The following CEP164 variants were observed in gnomAD, a reference collection of about 807,000 sequenced individuals.
The protein encoded by CEP164 is centrosomal protein of 164 kDa.
CEP164 carries 162 observed loss-of-function variants against 182.7 expected under a neutral mutation model. The observed-to-expected ratio is 0.89, with a 90% CI of 0.78 to 1.01. The LOEUF is 1.01. CEP164 is among the 50% of genes least tolerant of loss of function. The pLI, the probability that CEP164 is intolerant of heterozygous loss-of-function variation, is 0.00. For missense variants in CEP164, 1,735 were observed against 1,790.4 expected, an observed-to-expected ratio of 0.97 and a Z score of 0.56; for synonymous variants, 661 against 690.0, an observed-to-expected ratio of 0.96 and a Z score of 0.66.
chr11:117,380,314 CT>C (rs895137676), intron 11 of CEP164, among the ~76,000 whole-genome samples: 2 of 152,024 alleles, frequency 1.3e-5, no homozygotes, highest in African/African-American at 4.8e-5. Context: ...GCAGGATTTT[CT>C]TTTTCTTGTG....
intron 22 of CEP164, 47 bp downstream of exon 22, chr11:117,395,050 A>C: frequency 6.2e-7 from 1 of 1,612,398 alleles, no homozygotes; most frequent in Non-Finnish European, 8.5e-7. Context: ...TAGCTTCTCT[A>C]GCAGAGGGCA....
chr11:117,395,103 T>G lies in CEP164; in HGVS notation c.2845-20T>G, dbSNP rs754399050. ...CTGGGGTCTGCAGTCAGCCAGAAAA[T>G]CCTGTCTCTTCCCTGCAAGGAGGAG... On this transcript the variant is annotated intron_variant, in intron 22 of 32. Coordinates refer to ENST00000278935, the MANE Select transcript of CEP164 (RefSeq NM_014956.5). The G allele has an allele frequency of 6.2e-7, 1 of 1,613,986 alleles. No homozygotes were observed. The highest frequency in any genetic ancestry group is 8.5e-7 in the Non-Finnish European group (1 of 1,179,972).
chr11:117,394,853 C>T lies in CEP164; in HGVS notation c.2761-67C>T, dbSNP rs2045224465. The T allele has an allele frequency of 2.7e-6, 4 of 1,492,328 alleles. No homozygotes were observed. The highest frequency in any genetic ancestry group is 1.7e-5 in the Admixed American group (1 of 59,180). The allele number at this position is 1,492,328 out of a possible 1,614,324, so 92.4% of individuals were successfully genotyped here. A position where few individuals can be genotyped will look rare whatever the true frequency, so the allele number is the denominator to read the frequency against. ...TGGTGTGGCATGGTGGGTTCTGGAA[C>T]CCCCTCCTGCCCCTCAGCTAATGCC... On this transcript the variant is annotated intron_variant, in intron 21 of 32. Coordinates refer to ENST00000278935, the MANE Select transcript of CEP164 (RefSeq NM_014956.5). The surrounding 1 kb of genome is among the most constrained non-coding windows in gnomAD (Gnocchi z 4.0).
In CEP164 at chr11:117,394,467, G is replaced by A. The variant is rs756787924; in HGVS notation, c.2734G>A (p.Asp912Asn). ...GCAGGAGCAACACAAGCGTCTTGAG[G>A]ACTTGCGGCGCCGGCACAGGGAGCA... ...VRQEQHKRLE[D>N]LRRRHREQER... is the part of the protein sequence containing the mutation. The change falls in exon 21 of 33, where the codon GAC (aspartate) becomes AAC (asparagine). Residue 912 changes from aspartate (D) to asparagine (N), a missense_variant. Transcript: ENST00000278935. The surrounding 1 kb of genome is among the most constrained non-coding windows in gnomAD (Gnocchi z 4.0). The A allele has an allele frequency of 6.2e-7, 1 of 1,613,974 alleles. No individual in the cohort carries two copies. The highest frequency in any genetic ancestry group is 8.5e-7 in the Non-Finnish European group (1 of 1,180,030).
chr11:117,382,829 G>A lies in CEP164; in HGVS notation c.1611G>A (p.Glu537=). 1.2e-6 allele frequency: 2 copies of A among 1,614,172 alleles called. No homozygotes were observed. The highest frequency in any genetic ancestry group is 1.7e-6 in the Non-Finnish European group (2 of 1,180,024). The change falls in exon 14 of 33, where the codon GAG becomes GAA. Residue 537 remains glutamate, a synonymous_variant. Coordinates refer to ENST00000278935, the MANE Select transcript of CEP164 (RefSeq NM_014956.5). The part of the protein sequence containing the change: ...EQAPSPPAAC[E]KGKEQHSQAE... ...CCCCAAGCCCACCTGCTGCCTGTGA[G>A]AAGGGCAAGGAGCAGCATTCCCAGG...
At chr11:117,387,131 C>T in intron 14 of CEP164, 72 bp from the exon 15 acceptor site, 1 of 1,328,548 alleles carries the variant, frequency 7.5e-7, no homozygotes, top group East Asian at 2.3e-5. Flanking sequence ...TGTTCCGTAT[C>T]CATTCTAACC....
At chr11:117,373,910 G>A in intron 10 of CEP164, 79 bp downstream of exon 10, 1 of 1,209,648 alleles carries the variant, frequency 8.3e-7, no homozygotes, top group African/African-American at 1.5e-5. Context: ...AATTTGCCTA[G>A]CATCACGCAG....
intron 1 of CEP164, among the ~76,000 whole-genome samples, chr11:117,332,437 G>A (rs1400296893): frequency 6.6e-6 from 1 of 152,034 alleles, no homozygotes; most frequent in Admixed American, 6.6e-5. Flanking sequence ...TTAGCCAGGC[G>A]TGGTGGCACA....
Position 117,391,194 on chromosome 11 carries a change from G to C in CEP164, c.2262G>C (p.Gln754His), listed in dbSNP as rs1226500313. ...KEKALQQLRE[Q>H]LEGERKEAVA... The stretch of plus-strand genomic sequence containing the variant: ...AGGCTCTGCAGCAGCTGAGGGAGCA[G>C]CTGGAAGGGGAGAGGAAAGAAGTGA... The change falls in exon 17 of 33, where the codon CAG becomes CAC. Residue 754 changes from glutamine (Q) to histidine (H), a missense_variant. Gln to His is a conservative substitution (Grantham distance 24). Transcript: ENST00000278935. 4.3e-6 allele frequency: 7 copies of C among 1,611,438 alleles called. No individual in the cohort carries two copies. In the Admixed American group the frequency reaches 1.0e-4, roughly 23 times the overall value.
At chr11:117,365,583 C>T (rs1411316508) in intron 8 of CEP164, among the ~76,000 whole-genome samples, 2 of 151,852 alleles carry the variant, frequency 1.3e-5, no homozygotes, top group African/African-American at 4.8e-5. Flanking sequence ...TTCTTTCTTT[C>T]TTTCTTTTTT....
At chr11:117,361,579 G>A (rs1000713683) in intron 5 of CEP164, among the ~76,000 whole-genome samples, 2 of 151,948 alleles carry the variant, frequency 1.3e-5, no homozygotes, top group African/African-American at 2.4e-5. Context: ...ACCCCACGCA[G>A]CATCTGCCAG....
Position 117,409,878 on chromosome 11 carries a change from G to T in CEP164, c.4009G>T (p.Asp1337Tyr). The change falls in exon 30 of 33, where the codon GAT (aspartate) becomes TAT (tyrosine). Residue 1337 changes from aspartate to tyrosine, a missense_variant. Physicochemically the swap from Asp to Tyr is radical, Grantham distance 160 (BLOSUM62 -3). Transcript: ENST00000278935. The surrounding 1 kb of genome is among the most constrained non-coding windows in gnomAD (Gnocchi z 4.4). The stretch of plus-strand genomic sequence containing the variant: ...ACCCACGTCCACCCAATGGGCCTGG[G>T]ATTCAGGGCAGGGGCCCAGGCTCCC... The part of the protein sequence containing the change: ...ATPTSTQWAW[D>Y]SGQGPRLPSS... The T allele has an allele frequency of 6.2e-7, 1 of 1,613,936 alleles. No individual in the cohort carries two copies. Among genetic ancestry groups the T allele is most frequent in the Non-Finnish European group, 8.5e-7 (1 of 1,179,944 alleles).
In CEP164 at chr11:117,412,160, C is replaced by G; in HGVS notation, c.4375C>G (p.Arg1459Gly). The change falls in exon 33 of 33, where the codon CGC becomes GGC. Residue 1459 changes from arginine to glycine, a missense_variant. Physicochemically the swap from Arg to Gly is moderately radical, Grantham distance 125. Coordinates refer to ENST00000278935, the MANE Select transcript of CEP164 (RefSeq NM_014956.5). Reference protein sequence around the residue: ...LDEHNRVKVYRF With the variant: ...LDEHNRVKVYGF ...TGAGCACAACAGAGTGAAGGTGTAT[C>G]GCTTCTGAGGCCCTGAGCAGGGGCT... 6.2e-7 allele frequency: 1 copy of G among 1,614,004 alleles called. No individual in the cohort carries two copies. Among genetic ancestry groups the G allele is most frequent in the Non-Finnish European group, 8.5e-7 (1 of 1,179,932 alleles).
intron 3 of CEP164, among the ~76,000 whole-genome samples, chr11:117,342,764 C>G (rs2038309945): frequency 6.6e-6 from 1 of 152,148 alleles, no homozygotes; most frequent in African/African-American, 2.4e-5. Flanking sequence ...GCATGAACCA[C>G]CATGCCTGGC....
At chr11:117,386,810 G>A (rs1199648706) in intron 14 of CEP164, 2 of 207,542 alleles carry the variant, frequency 9.6e-6, no homozygotes, top group Non-Finnish European at 2.0e-5. Flanking sequence ...GTAGCAGGCA[G>A]AGCTCTAGCG....
At chr11:117,331,721 G>A (rs507133) in intron 1 of CEP164, among the ~76,000 whole-genome samples, 65,054 of 150,894 alleles carry the variant, frequency 0.43, 14,198 homozygotes, top group East Asian at 0.59. Flanking sequence ...ACTACTGCGG[G>A]TCTTCCTAGC....
At position 117,409,766 on chromosome 11, in the gene CEP164, C is replaced by T; in HGVS notation, c.3897C>T (p.Ala1299=). 1 of 1,614,028 alleles carries T rather than the reference C, an allele frequency of 6.2e-7. No individual in the cohort carries two copies. The highest frequency in any genetic ancestry group is 8.5e-7 in the Non-Finnish European group (1 of 1,179,944). ...CGCCGCTCCTCGCCTCCATGCCAGC[C>T]CAGCTCCCTCCCCGGGACCCTAAGA... ...SPPPLLASMP[A]QLPPRDPKST... Residue 1299 remains alanine (A), a synonymous_variant, in exon 30 of 33, where the codon GCC becomes GCT. Coordinates refer to ENST00000278935, the MANE Select transcript of CEP164 (RefSeq NM_014956.5). This position sits in a 1 kb window ranked among gnomAD's most constrained non-coding sequence, Gnocchi z 4.4.
intron 4 of CEP164, among the ~76,000 whole-genome samples, chr11:117,344,510 G>A (rs972498849): frequency 6.6e-6 from 1 of 152,198 alleles, no homozygotes; most frequent in Non-Finnish European, 1.5e-5. Flanking sequence ...GGCCACAGGA[G>A]CTACTGCCCT....
At chr11:117,408,865 C>T (rs2047001615) in intron 28 of CEP164, 25 bp from the exon 29 acceptor site, 1 of 1,613,808 alleles carries the variant, frequency 6.2e-7, no homozygotes, top group Admixed American at 1.7e-5. Context: ...AGAGGTGGGT[C>T]ATAACTGCTG....
Sources: gnomAD v4.1 joint callset for allele counts (sites outside exome capture counted in the v4.1 genomes callset) on GRCh38, gnomAD v4.1.1 for gene constraint, Gnocchi (gnomAD v3.1) non-coding constraint, MANE v1.5 for transcripts, NCBI Gene and HGNC (gene_info 2026-07-23, HGNC 2026-07-21) for gene names.